Variants in SORCS3 observed in about 807,000 individuals in gnomAD.
SORCS3 encodes the protein sortilin related VPS10 domain containing receptor 3.
Under a neutral mutation model 146.3 loss-of-function variants are expected in SORCS3, and 57 were observed. That is an observed-to-expected ratio of 0.39 (90% CI 0.31 to 0.49). The LOEUF (loss-of-function observed/expected upper bound fraction) is 0.49, where lower values mean the gene tolerates loss of function less well. Among genes scored for constraint, SORCS3 ranks in the 20% least tolerant of loss-of-function variants. The pLI, the probability that SORCS3 is intolerant of heterozygous loss-of-function variation, is 0.92. For synonymous variants in SORCS3, 653 were observed against 618.5 expected, an observed-to-expected ratio of 1.06 and a Z score of -0.83; for missense variants, 1,341 against 1,575.5, an observed-to-expected ratio of 0.85 and a Z score of 2.52.
At chr10:104,649,020 G>A (rs1418714664) in intron 1 of SORCS3, among the ~76,000 whole-genome samples, 1 of 152,070 alleles carries the variant, frequency 6.6e-6, no homozygotes, top group Admixed American at 6.6e-5. Context: ...ACCTTCTTTA[G>A]GGGAAAAACT....
chr10:105,018,640 C>G (rs2055181712), intron 4 of SORCS3, among the ~76,000 whole-genome samples: 1 of 152,126 alleles, frequency 6.6e-6, no homozygotes, highest in South Asian at 2.1e-4. Context: ...TTTTCTTCTT[C>G]CCTAACTTTT....
intron 1 of SORCS3, among the ~76,000 whole-genome samples, chr10:104,836,601 T>C (rs944885853): frequency 5.3e-5 from 8 of 152,158 alleles, no homozygotes; most frequent in Non-Finnish European, 1.5e-5. Flanking sequence ...TGACATAAAT[T>C]ATTATAATCT....
intron 5 of SORCS3, among the ~76,000 whole-genome samples, chr10:105,045,446 T>C (rs965551282): frequency 6.6e-6 from 1 of 152,170 alleles, no homozygotes; most frequent in Non-Finnish European, 1.5e-5. Flanking sequence ...TTATCACTTC[T>C]CCATTTCTGA....
intron 4 of SORCS3, among the ~76,000 whole-genome samples, chr10:105,037,844 T>G (rs1256368967): frequency 1.3e-5 from 2 of 152,216 alleles, no homozygotes; most frequent in East Asian, 3.9e-4. Context: ...CTCATATTAT[T>G]CTTTGAACAG....
intron 2 of SORCS3, among the ~76,000 whole-genome samples, chr10:104,915,013 T>G: frequency 6.6e-6 from 1 of 151,054 alleles, no homozygotes; most frequent in African/African-American, 2.4e-5. Context: ...TGGGCCAGGG[T>G]TTGGGGACAG....
intron 8 of SORCS3, among the ~76,000 whole-genome samples, chr10:105,142,434 A>G (rs2056101593): frequency 8.5e-5 from 13 of 152,200 alleles, no homozygotes; most frequent in Admixed American, 7.9e-4. Context: ...GTGATTTGCT[A>G]AAATGTTGTC....
Position 105,201,950 on chromosome 10 carries a change from C to T in SORCS3, c.2261+697C>T, listed in dbSNP as rs539834617. 1.5e-3 allele frequency among the ~76,000 whole-genome samples: 235 copies of T among 152,266 alleles called. 1 individual carries two copies. Among genetic ancestry groups the T allele is most frequent in the Non-Finnish European group, 1.7e-3 (113 of 68,000 alleles). ...AATTTCAATAAAACACACAGCTATC[C>T]ACTCAGTTGCCAGAAGGGTTTGGTT... is the stretch of plus-strand genomic sequence containing the variant. On this transcript the variant is annotated intron_variant, in intron 16 of 26. Coordinates refer to ENST00000369701, the MANE Select transcript of SORCS3 (RefSeq NM_014978.3).
At chr10:105,086,805 T>C (rs2055663855) in intron 5 of SORCS3, among the ~76,000 whole-genome samples, 2 of 152,224 alleles carry the variant, frequency 1.3e-5, no homozygotes, top group Non-Finnish European at 2.9e-5. Context: ...AGATTCTTGA[T>C]ATTAGACCTT....
chr10:104,816,207 G>A (rs796884919), intron 1 of SORCS3, among the ~76,000 whole-genome samples: 26 of 152,234 alleles, frequency 1.7e-4, no homozygotes, highest in African/African-American at 6.3e-4. Context: ...GGAGGATATG[G>A]GAATATCTGT....
At chr10:105,017,200 A>G (rs2055173476) in intron 4 of SORCS3, among the ~76,000 whole-genome samples, 2 of 151,538 alleles carry the variant, frequency 1.3e-5, no homozygotes, top group South Asian at 4.2e-4. Flanking sequence ...TGAAATGATT[A>G]TACAATTGGG....
At chr10:104,720,083 G>A (rs151193225) in intron 1 of SORCS3, among the ~76,000 whole-genome samples, 54 of 151,802 alleles carry the variant, frequency 3.6e-4, no homozygotes, top group Middle Eastern at 3.4e-3. Context: ...CTGTTAACTC[G>A]TCATTTAACA....
intron 1 of SORCS3, among the ~76,000 whole-genome samples, chr10:104,747,105 C>A (rs1478186608): frequency 6.6e-6 from 1 of 152,196 alleles, no homozygotes; most frequent in East Asian, 1.9e-4. Context: ...TGGCTGAATG[C>A]CTAGACTAAT....
At chr10:105,168,419 A>G (rs1021433865) in intron 13 of SORCS3, among the ~76,000 whole-genome samples, 1 of 152,106 alleles carries the variant, frequency 6.6e-6, no homozygotes, top group African/African-American at 2.4e-5. Context: ...TCTCATTTGT[A>G]TTTATGCCCT....
intron 1 of SORCS3, among the ~76,000 whole-genome samples, chr10:104,722,734 C>T (rs1434727110): frequency 1.3e-5 from 2 of 152,132 alleles, no homozygotes; most frequent in African/African-American, 2.4e-5. Context: ...GGAATGTATC[C>T]ATTTCTTCTA....
At chr10:104,713,950 A>G (rs770673136) in intron 1 of SORCS3, among the ~76,000 whole-genome samples, 1 of 152,128 alleles carries the variant, frequency 6.6e-6, no homozygotes, top group Non-Finnish European at 1.5e-5. Context: ...GGGATATTCA[A>G]GTTATTTATT....
chr10:104,827,207 A>G (rs987478812), intron 1 of SORCS3, among the ~76,000 whole-genome samples: 1 of 152,202 alleles, frequency 6.6e-6, no homozygotes, highest in African/African-American at 2.4e-5. Flanking sequence ...GACATATGGA[A>G]TAGTGAATCC....
chr10:104,795,978 G>A (rs964811353), intron 1 of SORCS3, among the ~76,000 whole-genome samples: 1 of 152,140 alleles, frequency 6.6e-6, no homozygotes, highest in Non-Finnish European at 1.5e-5. Context: ...CTAGCAGAGC[G>A]CTTTGCCCTG....
chr10:104,866,981 C>T (rs2018465769), intron 2 of SORCS3, among the ~76,000 whole-genome samples: 1 of 152,128 alleles, frequency 6.6e-6, no homozygotes, highest in Non-Finnish European at 1.5e-5. Context: ...GTTTTATTCT[C>T]ATTAAACAGA....
chr10:105,065,288 G>A (rs1014069104), intron 5 of SORCS3, among the ~76,000 whole-genome samples: 1 of 152,272 alleles, frequency 6.6e-6, no homozygotes, highest in South Asian at 2.1e-4. Flanking sequence ...GAAACTGGGT[G>A]CTGGTTCACA....
Sources: gnomAD v4.1 joint callset for allele counts (sites outside exome capture counted in the v4.1 genomes callset) on GRCh38, gnomAD v4.1.1 for gene constraint, MANE v1.5 for transcripts, NCBI Gene and HGNC (gene_info 2026-07-23, HGNC 2026-07-21) for gene names.